GLIPR1L2: variants seen among roughly 807,000 people sequenced by gnomAD.
GLIPR1L2 encodes GLIPR1-like protein 2.
Under a neutral mutation model 28.4 loss-of-function variants are expected in GLIPR1L2, and 21 were observed. The observed-to-expected ratio is 0.74, with a 90% CI of 0.52 to 1.06. The LOEUF is 1.06. GLIPR1L2 is among the 50% of genes least tolerant of loss of function. The pLI is 0.00. For missense variants in GLIPR1L2, 476 were observed against 416.9 expected (o/e 1.14, Z -1.23); for synonymous variants, 145 against 139.3 (o/e 1.04, Z -0.29).
intron 3 of GLIPR1L2, among the ~76,000 whole-genome samples, chr12:75,419,993 T>C (rs2045960778): frequency 6.6e-6 from 1 of 152,196 alleles, no homozygotes; most frequent in Non-Finnish European, 1.5e-5. Context: ...AATAGATTCT[T>C]CTTGGAAAAA....
intron 1 of GLIPR1L2, among the ~76,000 whole-genome samples, chr12:75,399,086 T>G (rs1056602828): frequency 6.6e-6 from 1 of 152,174 alleles, no homozygotes; most frequent in Admixed American, 6.5e-5. Flanking sequence ...TATTCCTTTA[T>G]TGATGGACAT....
chr12:75,404,644 T>C (rs938044165), intron 1 of GLIPR1L2, among the ~76,000 whole-genome samples: 3 of 152,122 alleles, frequency 2.0e-5, no homozygotes, highest in Non-Finnish European at 1.5e-5. Context: ...AATTTCTTGA[T>C]ATCTATTACT....
In GLIPR1L2 at chr12:75,430,901, T is replaced by C. The variant is rs1234291222; in HGVS notation, c.775T>C (p.Leu259=). ...CDPLCTFILL[L]RILCFILCVI... ...TCCACTGTGCACATTCATTTTATTATTGAGAATATTATGTTTTATCCTGTG... is the reference window on the plus strand; with the variant it reads ...TCCACTGTGCACATTCATTTTATTACTGAGAATATTATGTTTTATCCTGTG... Residue 259 remains leucine (L), a synonymous_variant, in exon 6 of 6, where the codon TTG becomes CTG. Transcript: ENST00000550916. The C allele has an allele frequency of 5.9e-6, 9 of 1,535,966 alleles. No individual in the cohort carries two copies. The highest frequency in any genetic ancestry group is 7.8e-6 in the Non-Finnish European group (9 of 1,146,754).
chr12:75,394,783 AAC>A lies in GLIPR1L2; in HGVS notation c.234+3435_234+3436del, dbSNP rs1386381068. 5.2e-4 allele frequency among the ~76,000 whole-genome samples: 78 copies of A among 151,000 alleles called. No individual in the cohort carries two copies. The East Asian group carries it at 7.2e-3, about 14-fold the overall frequency. On this transcript the variant is annotated intron_variant, in intron 1 of 5. Coordinates refer to ENST00000550916, the MANE Select transcript of GLIPR1L2 (RefSeq NM_001270396.2). ...TTCTGCAAAAAAAAAAAAAAAAAAAAACATTATTGGGATTTTGATATGGGTTT... is the reference window on the plus strand; with the variant it reads ...TTCTGCAAAAAAAAAAAAAAAAAAAAATTATTGGGATTTTGATATGGGTTT...
intron 1 of GLIPR1L2, among the ~76,000 whole-genome samples, chr12:75,400,717 C>A (rs555190390): frequency 6.6e-6 from 1 of 152,102 alleles, no homozygotes; most frequent in African/African-American, 2.4e-5. Context: ...TTGATAATTT[C>A]ACTGGAGATT....
chr12:75,429,756 T>C (rs2046071269), intron 4 of GLIPR1L2, among the ~76,000 whole-genome samples: 1 of 151,952 alleles, frequency 6.6e-6, no homozygotes, highest in South Asian at 2.1e-4. Flanking sequence ...ATGAATGAAT[T>C]CTCATAAGAT....
At chr12:75,408,150 C>T (rs946469261) in intron 1 of GLIPR1L2, among the ~76,000 whole-genome samples, 1 of 152,012 alleles carries the variant, frequency 6.6e-6, no homozygotes, top group Non-Finnish European at 1.5e-5. Flanking sequence ...CATTTATCAA[C>T]CTTGTCTTGA....
In GLIPR1L2 at chr12:75,391,128, A is replaced by G. The variant is rs770440358; in HGVS notation, c.12A>G (p.Ala4=). 54 of 1,613,158 alleles carry G rather than the reference A, an allele frequency of 3.3e-5. No homozygotes were observed. Among genetic ancestry groups the G allele is most frequent in the Non-Finnish European group, 4.3e-5 (51 of 1,179,542 alleles). Reference sequence around the variant, plus strand: ...GCGGCCGGTGGACCATGGAGGCCGCAAGGCCCTTCGCCCGGGAGTGGAGGG... The same window carrying G: ...GCGGCCGGTGGACCATGGAGGCCGCGAGGCCCTTCGCCCGGGAGTGGAGGG... The part of the protein sequence containing the change: MEA[A]RPFAREWRAQ... Residue 4 remains alanine (A), a synonymous_variant, in exon 1 of 6, where the codon GCA becomes GCG. Transcript: ENST00000550916.
intron 4 of GLIPR1L2, 84 bp from the exon 5 acceptor site, chr12:75,430,631 G>T (rs759720136): frequency 3.2e-6 from 4 of 1,261,772 alleles, no homozygotes; most frequent in Non-Finnish European, 4.4e-6. Flanking sequence ...AGGAGAAAGT[G>T]ACACTATTAT....
intron 1 of GLIPR1L2, among the ~76,000 whole-genome samples, chr12:75,397,906 T>G (rs1377027411): frequency 6.6e-6 from 1 of 152,124 alleles, no homozygotes; most frequent in East Asian, 1.9e-4. Flanking sequence ...GGCATTTATA[T>G]CTAATCTGAT....
At chr12:75,418,659 C>T (rs1446629619) in intron 3 of GLIPR1L2, among the ~76,000 whole-genome samples, 3 of 152,054 alleles carry the variant, frequency 2.0e-5, no homozygotes, top group South Asian at 4.1e-4. Flanking sequence ...CTTGGCTATT[C>T]GGGCTCTTTT....
At chr12:75,430,789 T>A in intron 5 of GLIPR1L2, 35 bp from the exon 6 acceptor site, 1 of 1,533,054 alleles carries the variant, frequency 6.5e-7, no homozygotes, top group Non-Finnish European at 8.7e-7. Context: ...CTGCTTTATA[T>A]GAAATCCAGC....
chr12:75,424,943 C>G (rs955500929), intron 4 of GLIPR1L2, among the ~76,000 whole-genome samples: 1 of 151,978 alleles, frequency 6.6e-6, no homozygotes, highest in Non-Finnish European at 1.5e-5. Context: ...AGAGGGGCAT[C>G]CAAAGGTGAT....
chr12:75,393,747 T>G (rs975192059), intron 1 of GLIPR1L2, among the ~76,000 whole-genome samples: 6 of 152,116 alleles, frequency 3.9e-5, no homozygotes, highest in Admixed American at 6.5e-5. Flanking sequence ...TTGCTGTTTT[T>G]GGGTATATAC....
intron 1 of GLIPR1L2, chr12:75,391,668 C>CA: frequency 1.8e-6 from 1 of 570,716 alleles, no homozygotes; most frequent in Non-Finnish European, 2.9e-6. Flanking sequence ...AAAATCAGTG[C>CA]AAAAATATCA....
At chr12:75,401,683 T>C (rs1189827561) in intron 1 of GLIPR1L2, among the ~76,000 whole-genome samples, 1 of 152,036 alleles carries the variant, frequency 6.6e-6, no homozygotes, top group Non-Finnish European at 1.5e-5. Flanking sequence ...CTGACTAGAA[T>C]GTAATAAAAC....
chr12:75,417,026 T>A (rs1594021622), intron 3 of GLIPR1L2, among the ~76,000 whole-genome samples: 1 of 152,024 alleles, frequency 6.6e-6, no homozygotes, highest in East Asian at 1.9e-4. Context: ...AAAGGTATAG[T>A]GGGATGAATG....
chr12:75,429,187 G>A (rs2046065439), intron 4 of GLIPR1L2, among the ~76,000 whole-genome samples: 1 of 152,170 alleles, frequency 6.6e-6, no homozygotes, highest in Non-Finnish European at 1.5e-5. Context: ...GCAGCCACAG[G>A]GCCTGAACCC....
At chr12:75,416,636 G>A (rs941682876) in intron 3 of GLIPR1L2, among the ~76,000 whole-genome samples, 1 of 152,120 alleles carries the variant, frequency 6.6e-6, no homozygotes, top group African/African-American at 2.4e-5. Flanking sequence ...AGAACTGACA[G>A]TTCCATTAGA....
Sources: gnomAD v4.1 joint callset for allele counts (sites outside exome capture counted in the v4.1 genomes callset) on GRCh38, gnomAD v4.1.1 for gene constraint, MANE v1.5 for transcripts, NCBI Gene and HGNC (gene_info 2026-07-23, HGNC 2026-07-21) for gene names.